The following DLGAP1 variants were observed in gnomAD, a reference collection of about 807,000 sequenced individuals.
DLGAP1 encodes disks large-associated protein 1.
DLGAP1 carries 11 observed loss-of-function variants against 90.8 expected under a neutral mutation model. The ratio of observed to expected loss-of-function variants is 0.12; its 90% CI spans 0.08 to 0.20. DLGAP1 has a LOEUF of 0.20. Among genes scored for constraint, DLGAP1 ranks in the 10% least tolerant of loss-of-function variants. DLGAP1 has a pLI of 1.00. For synonymous variants in DLGAP1, 558 were observed against 540.7 expected, an observed-to-expected ratio of 1.03 and a Z score of -0.44; for missense variants, 1,050 against 1,333.8, an observed-to-expected ratio of 0.79 and a Z score of 3.31.
At chr18:3,716,144 G>A (rs993596057) in intron 7 of DLGAP1, among the ~76,000 whole-genome samples, 1 of 152,250 alleles carries the variant, frequency 6.6e-6, no homozygotes, top group South Asian at 2.1e-4. Context: ...ATTTCATTTA[G>A]TCAAGAAAAC....
At chr18:3,583,168 ACCTACCTACCTACC>A (rs2055643626) in intron 7 of DLGAP1, among the ~76,000 whole-genome samples, 14 of 126,988 alleles carry the variant, frequency 1.1e-4, no homozygotes, top group South Asian at 5.0e-4. Context: ...CTACCTACCT[ACCTACCTACCTACC>A]TACCTTCCTT....
At chr18:4,352,743 C>G (rs563895532) in intron 1 of DLGAP1, among the ~76,000 whole-genome samples, 63 of 152,222 alleles carry the variant, frequency 4.1e-4, no homozygotes, top group Non-Finnish European at 8.1e-4. Flanking sequence ...TTGCCTTATG[C>G]CCTTAAAACA....
At chr18:4,174,917 C>T (rs1186767747) in intron 1 of DLGAP1, among the ~76,000 whole-genome samples, 11 of 152,192 alleles carry the variant, frequency 7.2e-5, no homozygotes, top group Admixed American at 7.2e-4. Flanking sequence ...CAGCTTCATC[C>T]ATGTCCCTGT....
rs548898383 is a variant in DLGAP1, at chr18:4,402,393, T to G, written c.-267+52613A>C. On this transcript the variant is annotated intron_variant, in intron 1 of 12. Transcript: ENST00000315677. The stretch of plus-strand genomic sequence containing the variant: ...CAGATATCTCTATTTATATTATTAA[T>G]GTTAGGAACTAAAATATAATAATCT... Among the ~76,000 whole-genome samples, 3 of 152,358 alleles carry G rather than the reference T, an allele frequency of 2.0e-5. No individual in the cohort carries two copies. In the East Asian group the frequency reaches 5.8e-4, roughly 29 times the overall value.
chr18:4,235,966 T>C (rs2078406238), intron 1 of DLGAP1, among the ~76,000 whole-genome samples: 1 of 152,214 alleles, frequency 6.6e-6, no homozygotes, highest in East Asian at 1.9e-4. Context: ...CCTCAGGTGA[T>C]CCGCCTGCCT....
chr18:3,643,333 A>G (rs982881676), intron 7 of DLGAP1, among the ~76,000 whole-genome samples: 16 of 152,178 alleles, frequency 1.1e-4, no homozygotes, highest in African/African-American at 3.9e-4. Context: ...TATAACTCCA[A>G]CAACTCAGTA....
intron 5 of DLGAP1, among the ~76,000 whole-genome samples, chr18:3,802,576 T>A (rs75199304): frequency 6.6e-6 from 1 of 152,244 alleles, no homozygotes; most frequent in African/African-American, 2.4e-5. Context: ...CATGAAGTCA[T>A]CCCTTCCTAT....
intron 5 of DLGAP1, among the ~76,000 whole-genome samples, chr18:3,743,616 A>G (rs2063148531): frequency 6.6e-6 from 1 of 151,492 alleles, no homozygotes; most frequent in Admixed American, 6.6e-5. Flanking sequence ...GGCCTCCCAA[A>G]GTGCTGTGAT....
chr18:4,313,072 C>T (rs1020248310), intron 1 of DLGAP1, among the ~76,000 whole-genome samples: 1 of 152,176 alleles, frequency 6.6e-6, no homozygotes. Context: ...TTATGCTTGT[C>T]ATGTTTTCTG....
intron 1 of DLGAP1, among the ~76,000 whole-genome samples, chr18:4,308,001 C>T (rs555266508): frequency 6.6e-6 from 1 of 152,296 alleles, no homozygotes; most frequent in Non-Finnish European, 1.5e-5. Flanking sequence ...GGGCATGAGC[C>T]ACCGTGCCCG....
intron 1 of DLGAP1, among the ~76,000 whole-genome samples, chr18:4,177,006 C>T (rs1430489590): frequency 1.3e-5 from 2 of 152,150 alleles, no homozygotes; most frequent in Non-Finnish European, 2.9e-5. Context: ...GAGACAGGTG[C>T]TGCCCCAGGT....
At chr18:3,641,586 T>TATACACACACAC (rs377536387) in intron 7 of DLGAP1, among the ~76,000 whole-genome samples, 1 of 135,462 alleles carries the variant, frequency 7.4e-6, no homozygotes, top group African/African-American at 2.8e-5. Flanking sequence ...CATATATATA[T>TATACACACACAC]ACACACACAC....
In DLGAP1 at chr18:4,233,108, T is replaced by G. The variant is rs146824609; in HGVS notation, c.-266-81821A>C. On this transcript the variant is annotated intron_variant, in intron 1 of 12. Transcript: ENST00000315677. ...CAGTCTCCCATACCTTTCATCCATCTTCCCCTCATGTTAACATTCTACATG... is the reference window on the plus strand; with the variant it reads ...CAGTCTCCCATACCTTTCATCCATCGTCCCCTCATGTTAACATTCTACATG... Among the ~76,000 whole-genome samples, 503 of 152,354 alleles carry G rather than the reference T, an allele frequency of 3.3e-3. 3 individuals are homozygous for G. Among genetic ancestry groups the G allele is most frequent in the African/African-American group, 0.011 (439 of 41,590 alleles).
At chr18:4,240,158 C>A (rs930228467) in intron 1 of DLGAP1, among the ~76,000 whole-genome samples, 1 of 152,088 alleles carries the variant, frequency 6.6e-6, no homozygotes, top group African/African-American at 2.4e-5. Context: ...GCCAGGAAAT[C>A]CCAGTGAATA....
chr18:4,410,090 T>A (rs1386674953), intron 1 of DLGAP1, among the ~76,000 whole-genome samples: 1 of 152,142 alleles, frequency 6.6e-6, no homozygotes, highest in African/African-American at 2.4e-5. Context: ...CTCACTGATA[T>A]GTGGGAGGTA....
intron 4 of DLGAP1, among the ~76,000 whole-genome samples, chr18:3,852,401 G>A (rs1302024006): frequency 6.6e-6 from 1 of 152,136 alleles, no homozygotes; most frequent in African/African-American, 2.4e-5. Flanking sequence ...AAGTTAGAAG[G>A]CAGGAGTCAA....
At chr18:3,812,925 A>G (rs966478081) in intron 5 of DLGAP1, among the ~76,000 whole-genome samples, 2 of 152,232 alleles carry the variant, frequency 1.3e-5, no homozygotes, top group Non-Finnish European at 2.9e-5. Context: ...ATTTCATCAA[A>G]ATATGGAATC....
chr18:4,004,376 C>T (rs1430150147), intron 3 of DLGAP1, among the ~76,000 whole-genome samples: 1 of 152,038 alleles, frequency 6.6e-6, no homozygotes, highest in African/African-American at 2.4e-5. Context: ...CCCCGAGGCC[C>T]TCTGCCTTCC....
chr18:4,054,350 G>C (rs948158147), intron 2 of DLGAP1, among the ~76,000 whole-genome samples: 4 of 152,120 alleles, frequency 2.6e-5, no homozygotes, highest in African/African-American at 9.7e-5. Context: ...ATCCTTCTCA[G>C]CATGGCAAAG....
Sources: allele counts gnomAD v4.1 joint callset (sites outside exome capture counted in the v4.1 genomes callset), GRCh38; gene constraint gnomAD v4.1.1; transcripts MANE v1.5; gene names NCBI Gene and HGNC (gene_info 2026-07-23, HGNC 2026-07-21).